Variants in FAM98B observed in about 807,000 individuals in gnomAD.
The protein encoded by FAM98B is tRNA-splicing ligase complex subunit FAM98B.
A neutral mutation model predicts 43.9 loss-of-function variants in FAM98B; 32 were observed. The observed-to-expected ratio is 0.73, with a 90% CI of 0.55 to 0.98. The LOEUF (loss-of-function observed/expected upper bound fraction) is 0.98. Among genes scored for constraint, FAM98B ranks in the 50% least tolerant of loss-of-function variants. The pLI is 0.00. For synonymous variants in FAM98B, 190 were observed against 174.0 expected (o/e 1.09, Z -0.72); for missense variants, 514 against 522.9 (o/e 0.98, Z 0.17).
At chr15:38,465,232 T>C in intron 2 of FAM98B, 37 bp from the exon 3 acceptor site, 1 of 1,579,574 alleles carries the variant, frequency 6.3e-7, no homozygotes, top group East Asian at 2.3e-5. Context: ...ATATGGTAAA[T>C]GCTCAGTAAA....
chr15:38,484,397 G>C lies in FAM98B; in HGVS notation c.1040G>C (p.Arg347Thr). The C allele has an allele frequency of 7.6e-7, 1 of 1,319,600 alleles. No individual in the cohort carries two copies. The highest frequency in any genetic ancestry group is 9.7e-7 in the Non-Finnish European group (1 of 1,035,486). 81.7% of individuals were successfully genotyped at this position (1,319,600 alleles called of 1,614,324 possible). A position where few individuals can be genotyped will look rare whatever the true frequency, so the allele number is the denominator to read the frequency against. The change falls in exon 8 of 8, where the codon AGA becomes ACA. Residue 347 changes from arginine to threonine, a missense_variant. Physicochemically the swap from Arg to Thr is moderately conservative, Grantham distance 71 (BLOSUM62 -1). Around this residue, in one of 2 missense-constraint regions of FAM98B, gnomAD observed 469 missense variants for 451.8 expected, o/e 1.04. Transcript: ENST00000397609. The part of the protein sequence containing the change: ...GWGGGGGGGG[R>T]GGGGGGGGRG... Reference sequence around the variant, plus strand: ...GGTGGTGGTGGTGGAGGTGGTGGTAGAGGAGGTGGTGGGGGTGGGGGTGGG... The same window carrying C: ...GGTGGTGGTGGTGGAGGTGGTGGTACAGGAGGTGGTGGGGGTGGGGGTGGG...
chr15:38,455,239 A>G (rs1240479629), intron 1 of FAM98B, among the ~76,000 whole-genome samples: 1 of 152,232 alleles, frequency 6.6e-6, no homozygotes, highest in East Asian at 1.9e-4. Context: ...AGAAGAGTCC[A>G]CAGCAGTAAG....
At chr15:38,460,525 C>T (rs1423494691) in intron 1 of FAM98B, among the ~76,000 whole-genome samples, 7 of 152,128 alleles carry the variant, frequency 4.6e-5, no homozygotes, top group Admixed American at 2.6e-4. Context: ...AGACATCATT[C>T]CAGCTCTACT....
intron 3 of FAM98B, among the ~76,000 whole-genome samples, chr15:38,465,823 G>A (rs919332385): frequency 2.6e-5 from 4 of 152,036 alleles, no homozygotes; most frequent in Non-Finnish European, 5.9e-5. Context: ...AGGGATATAT[G>A]AGGGTTGCTT....
At chr15:38,469,486 T>C (rs142322390) in intron 3 of FAM98B, among the ~76,000 whole-genome samples, 2 of 152,308 alleles carry the variant, frequency 1.3e-5, no homozygotes, top group East Asian at 3.9e-4. Flanking sequence ...TTGTCTGTTC[T>C]TAAATTGTTG....
rs534801052 is a variant in FAM98B, at chr15:38,465,046, TA to T, written c.218-222del. Among the ~76,000 whole-genome samples the T allele has an allele frequency of 3.4e-3, 519 of 152,354 alleles. 1 individual carries two copies. The highest frequency in any genetic ancestry group is 4.2e-3 in the Non-Finnish European group (284 of 68,032). ...CATTTATTTTCTGAATATATAGAAATATAGTAGAAATGGATCATTTGCTCTG... is the reference window on the plus strand; with the variant it reads ...CATTTATTTTCTGAATATATAGAAATTAGTAGAAATGGATCATTTGCTCTG... On this transcript the variant is annotated intron_variant, in intron 2 of 7. Transcript: ENST00000397609.
rs1191916383 is a variant in FAM98B, at chr15:38,484,440, T to C, written c.1083T>C (p.Gly361=). The C allele has an allele frequency of 6.3e-3, 2,239 of 354,268 alleles. 64 individuals carry two copies. In the African/African-American group the frequency reaches 0.16, roughly 26 times the overall value. 21.9% of individuals were successfully genotyped at this position (354,268 alleles called of 1,614,324 possible). Reference sequence around the variant, plus strand: ...GGGGTGGGAGAGGTGGCTGGGGGGGTGGAGGAGGAGGTTGGGGAGGTGGTG... The same window carrying C: ...GGGGTGGGAGAGGTGGCTGGGGGGGCGGAGGAGGAGGTTGGGGAGGTGGTG... ...GGGGGRGGWG[G]GGGGWGGGGG... is the part of the protein sequence containing the mutation. Residue 361 remains glycine, a synonymous_variant, in exon 8 of 8, where the codon GGT becomes GGC. Transcript: ENST00000397609.
chr15:38,454,543 C>G (rs1327180669), intron 1 of FAM98B, among the ~76,000 whole-genome samples: 2 of 152,208 alleles, frequency 1.3e-5, no homozygotes, highest in Non-Finnish European at 2.9e-5. Flanking sequence ...GGCTAGCTCG[C>G]GCCCGCAGGT....
rs1027053052 is a variant in FAM98B at position 38,454,172 on chromosome 15, C to T, written c.11C>T (p.Pro4Leu). 3 of 1,599,262 alleles carry T rather than the reference C, an allele frequency of 1.9e-6. No homozygotes were observed. The highest frequency in any genetic ancestry group is 2.6e-6 in the Non-Finnish European group (3 of 1,174,496). ...CTGGGCCAAAGGACCATGAGAGGGCCGGAGCCGGGTCCCCAACCGACGATG... is the reference window on the plus strand; with the variant it reads ...CTGGGCCAAAGGACCATGAGAGGGCTGGAGCCGGGTCCCCAACCGACGATG... MRG[P>L]EPGPQPTMEG... Residue 4 changes from proline (P) to leucine (L), a missense_variant, in exon 1 of 8, where the codon CCG becomes CTG. Transcript: ENST00000397609.
chr15:38,460,973 T>C (rs1566897174), intron 1 of FAM98B, among the ~76,000 whole-genome samples: 1 of 152,220 alleles, frequency 6.6e-6, no homozygotes, highest in Non-Finnish European at 1.5e-5. Flanking sequence ...ATTGCGATTT[T>C]GATTGTTACT....
intron 2 of FAM98B, among the ~76,000 whole-genome samples, chr15:38,464,687 G>T (rs1890000417): frequency 6.6e-6 from 1 of 152,072 alleles, no homozygotes; most frequent in Non-Finnish European, 1.5e-5. Context: ...TGGGTCTTTG[G>T]TAGAATTTCG....
At chr15:38,474,932 T>C (rs1890175749) in intron 6 of FAM98B, among the ~76,000 whole-genome samples, 2 of 152,190 alleles carry the variant, frequency 1.3e-5, no homozygotes, top group Non-Finnish European at 2.9e-5. Flanking sequence ...TTGTCCTGTG[T>C]TCCTTGATGT....
At chr15:38,462,835 A>G (rs12385983) in intron 1 of FAM98B, among the ~76,000 whole-genome samples, 48,714 of 152,048 alleles carry the variant, frequency 0.32, 8,223 homozygotes, top group East Asian at 0.52. Flanking sequence ...AATACCATTA[A>G]AAGAATCGGG....
At position 38,470,289 on chromosome 15, in the gene FAM98B, C is replaced by G; in HGVS notation, c.415C>G (p.Gln139Glu). Residue 139 changes from glutamine to glutamate, a missense_variant, in exon 4 of 8, where the codon CAA becomes GAA. Physicochemically the swap from Gln to Glu is conservative, Grantham distance 29. Around this residue, in one of 2 missense-constraint regions of FAM98B, gnomAD observed 469 missense variants for 451.8 expected, o/e 1.04. Transcript: ENST00000397609. ...ACAGAACAAGAAACATAAAAATTCT[C>G]AATTAGATAAAAATAGTGAAGTTTA... ...ILQNKKHKNSQLDKNSEVYQE... is the reference protein window; with the variant it reads ...ILQNKKHKNSELDKNSEVYQE... 2 of 1,592,468 alleles carry G rather than the reference C, an allele frequency of 1.3e-6. No homozygotes were observed. The highest frequency in any genetic ancestry group is 1.7e-6 in the Non-Finnish European group (2 of 1,168,648).
intron 1 of FAM98B, 47 bp from the exon 2 acceptor site, chr15:38,463,985 G>T (rs1393209636): frequency 2.6e-6 from 4 of 1,533,760 alleles, no homozygotes; most frequent in Middle Eastern, 2.2e-4. Flanking sequence ...AGGTTTTTTT[G>T]TTTGATTGGC....
At chr15:38,477,066 G>A (rs930052828) in intron 6 of FAM98B, among the ~76,000 whole-genome samples, 20 of 151,884 alleles carry the variant, frequency 1.3e-4, no homozygotes, top group African/African-American at 4.6e-4. Context: ...GGGAGGTTGA[G>A]CTGGGAGGAT....
intron 1 of FAM98B, among the ~76,000 whole-genome samples, chr15:38,460,209 A>C (rs57108496): frequency 0.013 from 1,935 of 152,296 alleles, 44 homozygotes; most frequent in African/African-American, 0.044. Context: ...CACTTTGATG[A>C]ATAACTAAGA....
At chr15:38,462,716 C>G (rs891333631) in intron 1 of FAM98B, among the ~76,000 whole-genome samples, 3 of 151,908 alleles carry the variant, frequency 2.0e-5, no homozygotes, top group East Asian at 1.9e-4. Flanking sequence ...TAAGTAAAAC[C>G]CCTACAATTC....
At chr15:38,466,666 G>A (rs1890038366) in intron 3 of FAM98B, among the ~76,000 whole-genome samples, 1 of 152,074 alleles carries the variant, frequency 6.6e-6, no homozygotes, top group Non-Finnish European at 1.5e-5. Context: ...TTTCAGTGAG[G>A]AAGACGAAAA....
Sources: allele counts gnomAD v4.1 joint callset (sites outside exome capture counted in the v4.1 genomes callset), GRCh38; gene constraint gnomAD v4.1.1; regional missense constraint gnomAD v4.1.1; transcripts MANE v1.5; gene names NCBI Gene and HGNC (gene_info 2026-07-23, HGNC 2026-07-21).